Variants in NKAIN2 observed in about 807,000 individuals in gnomAD.
The protein encoded by NKAIN2 is sodium/potassium-transporting ATPase subunit beta-1-interacting protein 2.
NKAIN2 carries 14 observed loss-of-function variants against 32.6 expected under a neutral mutation model. The ratio of observed to expected loss-of-function variants is 0.43; its 90% confidence interval spans 0.28 to 0.67. NKAIN2 has a LOEUF of 0.67. Among genes scored for constraint, NKAIN2 ranks in the 30% least tolerant of loss-of-function variants. The probability of loss-of-function intolerance (pLI) is 0.17; values close to 1 mark genes in which losing one functional copy is unlikely to be tolerated. For missense variants in NKAIN2, 198 were observed against 258.3 expected, an observed-to-expected ratio of 0.77 and a Z score of 1.60; for synonymous variants, 80 against 87.2, an observed-to-expected ratio of 0.92 and a Z score of 0.46.
intron 3 of NKAIN2, among the ~76,000 whole-genome samples, chr6:124,396,344 G>A (rs1169640415): frequency 6.6e-6 from 1 of 150,926 alleles, no homozygotes; most frequent in Non-Finnish European, 1.5e-5. Context: ...AAAGAGAGTG[G>A]CTGGGAATGA....
intron 1 of NKAIN2, among the ~76,000 whole-genome samples, chr6:124,161,634 T>G (rs1276513446): frequency 6.6e-6 from 1 of 152,140 alleles, no homozygotes; most frequent in East Asian, 1.9e-4. Context: ...AAAATGAGCA[T>G]GCATAAGACA....
chr6:123,945,829 A>G (rs1777037191), intron 1 of NKAIN2, among the ~76,000 whole-genome samples: 4 of 152,160 alleles, frequency 2.6e-5, no homozygotes, highest in Admixed American at 2.6e-4. Flanking sequence ...ATTAAACTAT[A>G]TTTAGAACGT....
chr6:123,927,486 G>A (rs929339605), intron 1 of NKAIN2, among the ~76,000 whole-genome samples: 11 of 152,106 alleles, frequency 7.2e-5, no homozygotes, highest in Admixed American at 1.3e-4. Context: ...TACTGCCATC[G>A]TAGGGGAATT....
chr6:123,837,014 T>C (rs928302793), intron 1 of NKAIN2, among the ~76,000 whole-genome samples: 16 of 152,248 alleles, frequency 1.1e-4, no homozygotes, highest in African/African-American at 3.6e-4. Context: ...AAATCCGAGG[T>C]GTTTGTTACA....
chr6:124,366,858 G>T (rs1799538062), intron 3 of NKAIN2, among the ~76,000 whole-genome samples: 1 of 151,478 alleles, frequency 6.6e-6, no homozygotes, highest in South Asian at 2.1e-4. Context: ...AGCCCAGGAG[G>T]TAGAGGCTGC....
At chr6:123,985,072 A>G (rs954827857) in intron 1 of NKAIN2, among the ~76,000 whole-genome samples, 1 of 152,104 alleles carries the variant, frequency 6.6e-6, no homozygotes, top group African/African-American at 2.4e-5. Flanking sequence ...TGTATGTACA[A>G]GGTTCTTGAT....
chr6:124,597,940 A>C (rs1782154321), intron 3 of NKAIN2, among the ~76,000 whole-genome samples: 1 of 152,222 alleles, frequency 6.6e-6, no homozygotes, highest in Non-Finnish European at 1.5e-5. Context: ...AAAGCAGAAC[A>C]TCTAAGTCTT....
chr6:124,287,349 A>C (rs1428537312), intron 2 of NKAIN2, among the ~76,000 whole-genome samples: 1 of 152,198 alleles, frequency 6.6e-6, no homozygotes, highest in Non-Finnish European at 1.5e-5. Context: ...TCCCACACAA[A>C]AAAGTATGTG....
intron 1 of NKAIN2, among the ~76,000 whole-genome samples, chr6:124,275,650 G>A (rs1001984602): frequency 2.6e-5 from 4 of 152,112 alleles, no homozygotes; most frequent in Admixed American, 6.5e-5. Flanking sequence ...TCTCAAGAAA[G>A]ACCCCCTCCA....
At chr6:124,300,779 C>T (rs1451299117) in intron 2 of NKAIN2, among the ~76,000 whole-genome samples, 1 of 152,114 alleles carries the variant, frequency 6.6e-6, no homozygotes, top group Non-Finnish European at 1.5e-5. Context: ...TTTGCCCCTG[C>T]CCTAGAGATC....
chr6:124,066,843 ATATT>A lies in NKAIN2; in HGVS notation c.55-216160_55-216157del, dbSNP rs1783208131. 4.8e-5 allele frequency among the ~76,000 whole-genome samples: 7 copies of A among 146,368 alleles called. No individual in the cohort carries two copies. In the South Asian group the frequency reaches 1.3e-3, roughly 28 times the overall value. On this transcript the variant is annotated intron_variant, in intron 1 of 6. Transcript: ENST00000368417. Reference sequence around the variant, plus strand: ...AAACACATTGATGCAATTTGAAAGTATATTTCAATTTGCTGCGTTTGTGTGTGTG... The same window carrying A: ...AAACACATTGATGCAATTTGAAAGTATCAATTTGCTGCGTTTGTGTGTGTG...
intron 3 of NKAIN2, among the ~76,000 whole-genome samples, chr6:124,451,222 C>G (rs189897328): frequency 7.2e-4 from 109 of 152,186 alleles, no homozygotes; most frequent in African/African-American, 2.6e-3. Flanking sequence ...TTACTTTAGG[C>G]CCATTGATTT....
At chr6:124,312,991 G>A (rs1334123235) in intron 2 of NKAIN2, among the ~76,000 whole-genome samples, 1 of 152,102 alleles carries the variant, frequency 6.6e-6, no homozygotes, top group South Asian at 2.1e-4. Flanking sequence ...GCTTTCTGAG[G>A]CCTAAAGTGC....
intron 3 of NKAIN2, among the ~76,000 whole-genome samples, chr6:124,388,625 A>G (rs1773014507): frequency 6.7e-6 from 1 of 148,528 alleles, no homozygotes; most frequent in Non-Finnish European, 1.5e-5. Flanking sequence ...TATATTTTCA[A>G]ATTTACTTAA....
chr6:124,531,204 A>C (rs1340744341), intron 3 of NKAIN2, among the ~76,000 whole-genome samples: 3 of 152,190 alleles, frequency 2.0e-5, no homozygotes, highest in Non-Finnish European at 4.4e-5. Context: ...AACTGTGAGA[A>C]ATAAATGTTT....
At chr6:124,524,561 A>G (rs1779241556) in intron 3 of NKAIN2, among the ~76,000 whole-genome samples, 1 of 152,136 alleles carries the variant, frequency 6.6e-6, no homozygotes. Context: ...TTTCACATGC[A>G]TTGTTGCATT....
chr6:124,450,901 C>T (rs1776078928), intron 3 of NKAIN2, among the ~76,000 whole-genome samples: 1 of 151,804 alleles, frequency 6.6e-6, no homozygotes, highest in African/African-American at 2.4e-5. Context: ...AAAATTTAAA[C>T]AAATATAATC....
intron 3 of NKAIN2, among the ~76,000 whole-genome samples, chr6:124,357,048 G>C (rs989695618): frequency 3.3e-5 from 5 of 152,118 alleles, no homozygotes; most frequent in African/African-American, 1.2e-4. Context: ...GTGATTTCAT[G>C]ACCTCAGACA....
intron 3 of NKAIN2, among the ~76,000 whole-genome samples, chr6:124,649,410 A>C (rs1398643413): frequency 6.6e-6 from 1 of 152,218 alleles, no homozygotes; most frequent in Non-Finnish European, 1.5e-5. Context: ...GTCTAAAAAA[A>C]CTTGTAGAAA....
Sources: allele counts gnomAD v4.1 joint callset (sites outside exome capture counted in the v4.1 genomes callset), GRCh38; gene constraint gnomAD v4.1.1; transcripts MANE v1.5; gene names NCBI Gene and HGNC (gene_info 2026-07-23, HGNC 2026-07-21).